Variants in FTCDNL1 observed in about 807,000 individuals in gnomAD.
The protein encoded by FTCDNL1 is formiminotransferase cyclodeaminase N-terminal like, also known as formiminotransferase N-terminal subdomain-containing protein.
In FTCDNL1, 11 loss-of-function variants were observed where a neutral mutation model predicts 5.9. That is an observed-to-expected ratio of 1.87 (90% CI 1.18 to 3.10). The LOEUF is 3.10. FTCDNL1 is among the 30% of genes most tolerant of loss of function. The pLI, the probability that FTCDNL1 is intolerant of heterozygous loss-of-function variation, is 0.00. For synonymous variants in FTCDNL1, 58 were observed against 24.8 expected, an observed-to-expected ratio of 2.34 and a Z score of -3.99; for missense variants, 115 against 65.5, an observed-to-expected ratio of 1.76 and a Z score of -2.61.
exon 4 of FTCDNL1, chr2:199,760,712 C>T (rs1559165492): frequency 2.9e-6 from 2 of 689,452 alleles, no homozygotes; most frequent in Middle Eastern, 2.3e-4. Context: ...TTAAATGGTA[C>T]TGTGTGTTGG....
At chr2:199,786,149 C>A (rs796982351) in intron 3 of FTCDNL1, among the ~76,000 whole-genome samples, 2 of 151,986 alleles carry the variant, frequency 1.3e-5, no homozygotes, top group South Asian at 4.2e-4. Context: ...TGTCTGTGGC[C>A]TGGCAATTGA....
the FTCDNL1 span, among the ~76,000 whole-genome samples, chr2:199,717,976 A>AC: frequency 3.3e-5 from 3 of 90,934 alleles, 1 homozygote; most frequent in African/African-American, 1.1e-4. Context: ...CTTAAAAAAA[A>AC]CCAAAAAAAC....
At chr2:199,715,914 GTCTTTACATTT>G in the FTCDNL1 span, among the ~76,000 whole-genome samples, 1 of 151,646 alleles carries the variant, frequency 6.6e-6, no homozygotes, top group Non-Finnish European at 1.5e-5. Flanking sequence ...AAAATGTGCT[GTCTTTACATTT>G]TCTTTACATT....
the FTCDNL1 span, among the ~76,000 whole-genome samples, chr2:199,717,592 T>A: frequency 7.5e-6 from 1 of 132,686 alleles, no homozygotes; most frequent in East Asian, 2.4e-4. Flanking sequence ...CAGAATAATA[T>A]ACAACCAACA....
chr2:199,803,456 T>TTTTGGTTTGG, intron 3 of FTCDNL1, among the ~76,000 whole-genome samples: 1 of 150,436 alleles, frequency 6.6e-6, no homozygotes, highest in South Asian at 2.1e-4. Flanking sequence ...TTTTGTTTTG[T>TTTTGGTTTGG]TTTGGTTTGG....
chr2:199,752,253 G>C, the FTCDNL1 span, among the ~76,000 whole-genome samples: 1 of 152,116 alleles, frequency 6.6e-6, no homozygotes, highest in Non-Finnish European at 1.5e-5. Context: ...AGCATTCCCA[G>C]ATACTACTTA....
chr2:199,678,784 A>G, the FTCDNL1 span, among the ~76,000 whole-genome samples: 1 of 152,134 alleles, frequency 6.6e-6, no homozygotes. Flanking sequence ...AAAACTCTAT[A>G]AACATAATTT....
intron 3 of FTCDNL1, among the ~76,000 whole-genome samples, chr2:199,775,206 C>G (rs1024507010): frequency 2.6e-5 from 4 of 152,334 alleles, no homozygotes; most frequent in African/African-American, 9.6e-5. Context: ...TCTAAGCCTG[C>G]AACCCCTGTT....
the FTCDNL1 span, among the ~76,000 whole-genome samples, chr2:199,671,476 GA>G: frequency 5.8e-4 from 85 of 146,868 alleles, no homozygotes; most frequent in African/African-American, 1.2e-3. Context: ...AGTTTGAAAG[GA>G]AAAAAAAAAC....
chr2:199,823,851 A>T (rs959493812), intron 3 of FTCDNL1, among the ~76,000 whole-genome samples: 54 of 152,208 alleles, frequency 3.5e-4, no homozygotes, highest in African/African-American at 1.3e-3. Context: ...CTAACAAGAG[A>T]ATCAGCCTGT....
At chr2:199,784,496 G>A (rs996308331) in intron 3 of FTCDNL1, among the ~76,000 whole-genome samples, 1 of 152,094 alleles carries the variant, frequency 6.6e-6, no homozygotes, top group East Asian at 1.9e-4. Flanking sequence ...CAGACTCTGA[G>A]GCTCTGAGAT....
At chr2:199,804,299 C>T, downstream of FTCDNL1, among the ~76,000 whole-genome samples, 1 of 152,090 alleles carries the variant, frequency 6.6e-6, no homozygotes, top group East Asian at 1.9e-4. Flanking sequence ...GCGTGGTACC[C>T]AGAGGTTTGG....
chr2:199,691,759 T>C, the FTCDNL1 span, among the ~76,000 whole-genome samples: 1 of 152,210 alleles, frequency 6.6e-6, no homozygotes, highest in Non-Finnish European at 1.5e-5. Flanking sequence ...AATATAGCTC[T>C]GTGCATTCTC....
intron 3 of FTCDNL1, among the ~76,000 whole-genome samples, chr2:199,776,954 GTA>G (rs1187723690): frequency 1.7e-4 from 20 of 120,938 alleles, no homozygotes; most frequent in Admixed American, 7.8e-4. Flanking sequence ...AGAGATGTGT[GTA>G]TATGTGTGTG....
In FTCDNL1 at chr2:199,786,326, T is replaced by TTA. The variant is rs533824013; in HGVS notation, c.212-25493_212-25492dup. ...AAAAAGGGGTGTCACTTAGCCCTGTTTATATATATATATTGGGGACTTCAG... is the reference window on the plus strand; with the variant it reads ...AAAAAGGGGTGTCACTTAGCCCTGTTTATATATATATATATTGGGGACTTCAG... On this transcript the variant is annotated intron_variant, in intron 3 of 3. Transcript: ENST00000416668. 9.4e-3 allele frequency among the ~76,000 whole-genome samples: 1,427 copies of TTA among 151,398 alleles called. 21 individuals carry two copies. The highest frequency in any genetic ancestry group is 0.033 in the African/African-American group (1,345 of 41,286).
At chr2:199,770,391 C>T (rs574102483) in intron 3 of FTCDNL1, among the ~76,000 whole-genome samples, 16 of 152,170 alleles carry the variant, frequency 1.1e-4, no homozygotes, top group South Asian at 2.1e-4. Context: ...AGTCCAACAT[C>T]GCATAGTCAG....
chr2:199,684,601 T>G, the FTCDNL1 span, among the ~76,000 whole-genome samples: 1 of 152,184 alleles, frequency 6.6e-6, no homozygotes, highest in Admixed American at 6.5e-5. Flanking sequence ...AAAACCCTAC[T>G]TACTTCTCTT....
At chr2:199,812,926 T>C (rs1701125022) in intron 4 of FTCDNL1, among the ~76,000 whole-genome samples, 4 of 152,258 alleles carry the variant, frequency 2.6e-5, no homozygotes, top group African/African-American at 4.8e-5. Flanking sequence ...TGTTATTTTC[T>C]TGTGTGGAAA....
At chr2:199,790,097 AATTAG>A (rs1490331392) in intron 3 of FTCDNL1, among the ~76,000 whole-genome samples, 4 of 152,290 alleles carry the variant, frequency 2.6e-5, no homozygotes, top group Admixed American at 2.0e-4. Flanking sequence ...GAAGAGAAAG[AATTAG>A]ATAATTTTAT....
Sources: gnomAD v4.1 joint callset for allele counts (sites outside exome capture counted in the v4.1 genomes callset) on GRCh38, gnomAD v4.1.1 for gene constraint, MANE v1.5 for transcripts, NCBI Gene and HGNC (gene_info 2026-07-23, HGNC 2026-07-21) for gene names.